Variants in ADAMTS12 observed in about 807,000 individuals in gnomAD.
ADAMTS12 encodes A disintegrin and metalloproteinase with thrombospondin motifs 12.
Under a neutral mutation model 167.8 loss-of-function variants are expected in ADAMTS12, and 118 were observed. The observed-to-expected ratio is 0.70, with a 90% CI of 0.61 to 0.82. The LOEUF is 0.82. ADAMTS12 is among the 40% of genes least tolerant of loss of function. The probability of loss-of-function intolerance (pLI) is 0.00; values close to 1 mark genes in which losing one functional copy is unlikely to be tolerated. For missense variants in ADAMTS12, 1,916 were observed against 1,998.8 expected (o/e 0.96, Z 0.79); for synonymous variants, 704 against 716.9 (o/e 0.98, Z 0.29).
chr5:33,685,493 T>C (rs1742290536), intron 3 of ADAMTS12, among the ~76,000 whole-genome samples: 1 of 152,182 alleles, frequency 6.6e-6, no homozygotes, highest in Non-Finnish European at 1.5e-5. Context: ...TTACACTGAT[T>C]TGTGTGTAAC....
At chr5:33,543,732 A>G (rs1744820817) in intron 22 of ADAMTS12, among the ~76,000 whole-genome samples, 1 of 152,224 alleles carries the variant, frequency 6.6e-6, no homozygotes, top group Non-Finnish European at 1.5e-5. Context: ...AATGTAATCT[A>G]TCACATAAAC....
intron 3 of ADAMTS12, among the ~76,000 whole-genome samples, chr5:33,735,748 C>A (rs907159553): frequency 3.3e-5 from 5 of 152,184 alleles, no homozygotes; most frequent in African/African-American, 1.2e-4. Context: ...GAATGTCCAG[C>A]ACGGACCATG....
chr5:33,550,322 A>G (rs1406113752), intron 20 of ADAMTS12, among the ~76,000 whole-genome samples: 2 of 152,120 alleles, frequency 1.3e-5, no homozygotes, highest in East Asian at 3.9e-4. Flanking sequence ...TGCTTCTAGG[A>G]CTTGCTCTCT....
At chr5:33,758,556 G>T (rs1745244798) in intron 2 of ADAMTS12, among the ~76,000 whole-genome samples, 1 of 152,160 alleles carries the variant, frequency 6.6e-6, no homozygotes, top group Non-Finnish European at 1.5e-5. Context: ...TCGCGCAAGG[G>T]GGTAAAGGGC....
intron 19 of ADAMTS12, among the ~76,000 whole-genome samples, chr5:33,573,396 A>G (rs1481818000): frequency 6.6e-6 from 1 of 152,242 alleles, no homozygotes; most frequent in Non-Finnish European, 1.5e-5. Flanking sequence ...TGGTACCAAA[A>G]CAGAGACATA....
intron 3 of ADAMTS12, among the ~76,000 whole-genome samples, chr5:33,708,971 TA>T (rs1743294047): frequency 6.7e-6 from 1 of 149,996 alleles, no homozygotes; most frequent in South Asian, 2.1e-4. Context: ...AAAAAACAAA[TA>T]AAAAACAAAA....
At chr5:33,842,065 G>A (rs898148417) in intron 2 of ADAMTS12, among the ~76,000 whole-genome samples, 1 of 152,076 alleles carries the variant, frequency 6.6e-6, no homozygotes, top group African/African-American at 2.4e-5. Flanking sequence ...TCATGCAATC[G>A]GGTGAAGCCT....
chr5:33,600,674 A>T (rs1738144021), intron 16 of ADAMTS12, among the ~76,000 whole-genome samples: 1 of 152,200 alleles, frequency 6.6e-6, no homozygotes, highest in South Asian at 2.1e-4. Context: ...AATACTGTTA[A>T]GGTCTCTTTT....
intron 3 of ADAMTS12, among the ~76,000 whole-genome samples, chr5:33,724,082 C>T (rs1743893792): frequency 6.6e-6 from 1 of 152,226 alleles, no homozygotes; most frequent in African/African-American, 2.4e-5. Flanking sequence ...CTGGTTCTCT[C>T]CTATGCTGTT....
At chr5:33,574,003 T>C (rs1454186974) in intron 19 of ADAMTS12, among the ~76,000 whole-genome samples, 2 of 152,130 alleles carry the variant, frequency 1.3e-5, no homozygotes, top group Non-Finnish European at 2.9e-5. Context: ...AAAATGCTCA[T>C]CATCACTGGC....
Position 33,588,680 on chromosome 5 carries a change from G to A in ADAMTS12, c.2784C>T (p.His928=), listed in dbSNP as rs753920986. The change falls in exon 18 of 24, where the codon CAC becomes CAT. Residue 928 remains histidine (H), a synonymous_variant. Transcript: ENST00000504830. ...EQALPPTDCQ[H]LLKPKTLLSC... ...AAAGGAGGGTCTTGGGCTTCAGCAG[G>A]TGCTGGCAGTCTGTGGGCGGGAGAG... is the stretch of plus-strand genomic sequence containing the variant. 1 of 1,614,146 alleles carries A rather than the reference G, an allele frequency of 6.2e-7. No individual in the cohort carries two copies. Among genetic ancestry groups the A allele is most frequent in the Admixed American group, 1.7e-5 (1 of 59,990 alleles).
intron 2 of ADAMTS12, among the ~76,000 whole-genome samples, chr5:33,872,828 C>T (rs1341523390): frequency 6.6e-6 from 1 of 152,118 alleles, no homozygotes; most frequent in Non-Finnish European, 1.5e-5. Context: ...ATGACACTGA[C>T]AGGCTAAAGA....
At chr5:33,842,728 G>A (rs1748790304) in intron 2 of ADAMTS12, among the ~76,000 whole-genome samples, 1 of 152,192 alleles carries the variant, frequency 6.6e-6, no homozygotes, top group Non-Finnish European at 1.5e-5. Context: ...CAGAGACCCT[G>A]TAGGTGACCC....
chr5:33,693,475 A>C (rs929396280), intron 3 of ADAMTS12, among the ~76,000 whole-genome samples: 1 of 152,232 alleles, frequency 6.6e-6, no homozygotes, highest in Non-Finnish European at 1.5e-5. Context: ...AATTTCATAA[A>C]AATAAAATGT....
At chr5:33,612,244 G>T (rs1738764489) in intron 16 of ADAMTS12, among the ~76,000 whole-genome samples, 2 of 152,208 alleles carry the variant, frequency 1.3e-5, no homozygotes, top group Admixed American at 1.3e-4. Context: ...TTAAGGCTTA[G>T]TAATCAGAGT....
intron 3 of ADAMTS12, among the ~76,000 whole-genome samples, chr5:33,723,107 T>C (rs1743861507): frequency 6.6e-6 from 1 of 152,180 alleles, no homozygotes; most frequent in Admixed American, 6.5e-5. Flanking sequence ...CATACCTGGA[T>C]GACAGGTATG....
intron 7 of ADAMTS12, 54 bp from the exon 8 acceptor site, chr5:33,649,751 A>C: frequency 1.3e-6 from 2 of 1,595,438 alleles, no homozygotes; most frequent in Non-Finnish European, 1.7e-6. Flanking sequence ...ATTAAACAGG[A>C]AGAAAAACCA....
At chr5:33,533,381 T>C (rs1442076619) in intron 23 of ADAMTS12, among the ~76,000 whole-genome samples, 2 of 152,176 alleles carry the variant, frequency 1.3e-5, no homozygotes, top group South Asian at 2.1e-4. Context: ...CTCAAATTGG[T>C]CCCTTGGTCT....
chr5:33,745,985 G>A (rs182201950), intron 3 of ADAMTS12, among the ~76,000 whole-genome samples: 60 of 151,940 alleles, frequency 3.9e-4, no homozygotes, highest in Admixed American at 1.2e-3. Flanking sequence ...CAGTTCTTAC[G>A]GCAGATAATA....
Sources: gnomAD v4.1 joint callset for allele counts (sites outside exome capture counted in the v4.1 genomes callset) on GRCh38, gnomAD v4.1.1 for gene constraint, MANE v1.5 for transcripts, NCBI Gene and HGNC (gene_info 2026-07-23, HGNC 2026-07-21) for gene names.